SH3RF3: variants seen among roughly 807,000 people sequenced by gnomAD.
The protein encoded by SH3RF3 is SH3 domain containing ring finger 3, also known as E3 ubiquitin-protein ligase SH3RF3.
SH3RF3 carries 29 observed loss-of-function variants against 66.3 expected under a neutral mutation model. The ratio of observed to expected loss-of-function variants is 0.44; its 90% confidence interval spans 0.33 to 0.60. The LOEUF (loss-of-function observed/expected upper bound fraction) is 0.60, where lower values mean the gene tolerates loss of function less well. SH3RF3 is among the 20% of genes least tolerant of loss of function. The pLI is 0.04. For synonymous variants in SH3RF3, 583 were observed against 532.0 expected, an observed-to-expected ratio of 1.10 and a Z score of -1.32; for missense variants, 1,194 against 1,190.9, an observed-to-expected ratio of 1.00 and a Z score of -0.04.
At chr2:109,382,681 C>A (rs1317864761) in intron 3 of SH3RF3, among the ~76,000 whole-genome samples, 1 of 152,214 alleles carries the variant, frequency 6.6e-6, no homozygotes, top group Non-Finnish European at 1.5e-5. Context: ...GCCACTGAAT[C>A]TTCAGAACAG....
chr2:109,434,545 C>A (rs891272360), intron 6 of SH3RF3, among the ~76,000 whole-genome samples: 1 of 152,254 alleles, frequency 6.6e-6, no homozygotes, highest in African/African-American at 2.4e-5. Context: ...CCCACCCCCA[C>A]AACACTGGAC....
intron 9 of SH3RF3, among the ~76,000 whole-genome samples, chr2:109,493,641 C>G (rs1679186398): frequency 6.6e-6 from 1 of 151,570 alleles, no homozygotes; most frequent in Admixed American, 6.6e-5. Flanking sequence ...ATGCTGCAAA[C>G]ACACACCATA....
At chr2:109,360,800 A>T (rs1362467653) in intron 2 of SH3RF3, among the ~76,000 whole-genome samples, 1 of 152,132 alleles carries the variant, frequency 6.6e-6, no homozygotes, top group Non-Finnish European at 1.5e-5. Flanking sequence ...CAATCTGTAC[A>T]CTTTTAATTT....
chr2:109,406,561 A>G (rs879318394), intron 4 of SH3RF3, among the ~76,000 whole-genome samples: 4 of 152,174 alleles, frequency 2.6e-5, no homozygotes, highest in Non-Finnish European at 4.4e-5. Context: ...CACCAGGCTG[A>G]GTCTAGCCAC....
At chr2:109,226,558 T>A (rs1459266753) in intron 1 of SH3RF3, among the ~76,000 whole-genome samples, 1 of 152,336 alleles carries the variant, frequency 6.6e-6, no homozygotes, top group East Asian at 1.9e-4. Context: ...TTACTGTTCT[T>A]AGGGTGACTT....
At chr2:109,326,667 GTTAAC>G (rs1208643511) in intron 1 of SH3RF3, among the ~76,000 whole-genome samples, 6 of 152,168 alleles carry the variant, frequency 3.9e-5, no homozygotes, top group Non-Finnish European at 8.8e-5. Flanking sequence ...GCCTGTTTAA[GTTAAC>G]TTATCTTTTT....
intron 8 of SH3RF3, among the ~76,000 whole-genome samples, chr2:109,455,528 C>CA (rs35320114): frequency 0.55 from 83,725 of 151,994 alleles, 23,289 homozygotes; most frequent in Admixed American, 0.56. Context: ...ATGTGTGTTA[C>CA]TATGGCATAT....
At chr2:109,164,747 A>G (rs1052912501) in intron 1 of SH3RF3, among the ~76,000 whole-genome samples, 2 of 152,322 alleles carry the variant, frequency 1.3e-5, no homozygotes, top group Admixed American at 6.5e-5. Flanking sequence ...TGGCTTGCAG[A>G]ACCTCTGCAA....
chr2:109,159,660 G>T (rs948281777), intron 1 of SH3RF3, among the ~76,000 whole-genome samples: 4 of 152,232 alleles, frequency 2.6e-5, no homozygotes, highest in Non-Finnish European at 5.9e-5. Flanking sequence ...GAGGTGAGTG[G>T]CGGGAGAGCG....
rs567168835 is a variant in SH3RF3 at position 109,407,730 on chromosome 2, G to C, written c.1299+8787G>C. Among the ~76,000 whole-genome samples the C allele has an allele frequency of 2.1e-3, 280 of 130,818 alleles. 4 individuals are homozygous for C. The highest frequency in any genetic ancestry group is 8.0e-3 in the African/African-American group (264 of 32,902). The allele number at this position is 130,818 out of a possible 152,430, so 85.8% of individuals were successfully genotyped here. Reference sequence around the variant, plus strand: ...ATAGGGAGGCAAAACAAAGTACCAAGTGAGCCTGGGATGAATAAAAAAAAA... The same window carrying C: ...ATAGGGAGGCAAAACAAAGTACCAACTGAGCCTGGGATGAATAAAAAAAAA... On this transcript the variant is annotated intron_variant, in intron 4 of 9. Transcript: ENST00000309415.
chr2:109,428,522 CA>C (rs1182132618), intron 5 of SH3RF3, among the ~76,000 whole-genome samples: 1 of 152,226 alleles, frequency 6.6e-6, no homozygotes, highest in Non-Finnish European at 1.5e-5. Context: ...CCCCTGGCCC[CA>C]TGCCTGACTG....
chr2:109,197,793 T>C (rs531449047), intron 1 of SH3RF3, among the ~76,000 whole-genome samples: 1 of 152,092 alleles, frequency 6.6e-6, no homozygotes, highest in Non-Finnish European at 1.5e-5. Context: ...TGGCATGAAA[T>C]AGCAAATTAA....
chr2:109,406,306 G>T (rs1351204593), intron 4 of SH3RF3, among the ~76,000 whole-genome samples: 1 of 152,178 alleles, frequency 6.6e-6, no homozygotes, highest in Non-Finnish European at 1.5e-5. Flanking sequence ...ATCGGGAAAT[G>T]ATTGCTTACA....
At chr2:109,384,955 A>G (rs570467627) in intron 3 of SH3RF3, among the ~76,000 whole-genome samples, 41 of 152,302 alleles carry the variant, frequency 2.7e-4, no homozygotes, top group African/African-American at 8.9e-4. Flanking sequence ...AGTGGGGCCC[A>G]TTGCTCTTAG....
At chr2:109,273,397 G>T (rs1680672434) in intron 1 of SH3RF3, among the ~76,000 whole-genome samples, 2 of 152,224 alleles carry the variant, frequency 1.3e-5, no homozygotes, top group Non-Finnish European at 2.9e-5. Flanking sequence ...GGGGAGGCAG[G>T]TCTCCAAGGG....
intron 1 of SH3RF3, among the ~76,000 whole-genome samples, chr2:109,332,700 T>TCCTGC (rs1217480298): frequency 6.6e-6 from 1 of 152,172 alleles, no homozygotes; most frequent in Non-Finnish European, 1.5e-5. Flanking sequence ...TCTGAGTGAT[T>TCCTGC]CCTGCCGAGC....
rs922962871 is a variant in SH3RF3, at chr2:109,242,723, G to A, written c.574-104951G>A. Among the ~76,000 whole-genome samples, 18 of 152,324 alleles carry A rather than the reference G, an allele frequency of 1.2e-4. 1 individual carries two copies. The highest frequency in any genetic ancestry group is 4.3e-4 in the African/African-American group (18 of 41,582). On this transcript the variant is annotated intron_variant, in intron 1 of 9. Coordinates refer to ENST00000309415, the MANE Select transcript of SH3RF3 (RefSeq NM_001099289.3). ...TCGTGAGCCCTGGTCTGGGCTCAGAGGTTTGGAGTCCACAGCTGGGCCTTG... is the reference window on the plus strand; with the variant it reads ...TCGTGAGCCCTGGTCTGGGCTCAGAAGTTTGGAGTCCACAGCTGGGCCTTG...
intron 8 of SH3RF3, among the ~76,000 whole-genome samples, chr2:109,470,600 G>A (rs1678478906): frequency 1.3e-5 from 2 of 152,230 alleles, no homozygotes. Context: ...TCTGGAGGAG[G>A]ACAGGCAGTT....
chr2:109,145,894 G>A (rs1677085552), intron 1 of SH3RF3, among the ~76,000 whole-genome samples: 1 of 152,162 alleles, frequency 6.6e-6, no homozygotes, highest in South Asian at 2.1e-4. Flanking sequence ...AGGGCTATGG[G>A]TGTGCGTGGA....
Sources: gnomAD v4.1 joint callset for allele counts (sites outside exome capture counted in the v4.1 genomes callset) on GRCh38, gnomAD v4.1.1 for gene constraint, MANE v1.5 for transcripts, NCBI Gene and HGNC (gene_info 2026-07-23, HGNC 2026-07-21) for gene names.